The following DNAJB2 variants were observed in gnomAD, a reference collection of about 807,000 sequenced individuals.
DNAJB2 encodes dnaJ homolog subfamily B member 2.
In DNAJB2, 19 loss-of-function variants were observed where a neutral mutation model predicts 33.3. The observed-to-expected ratio is 0.57, with a 90% confidence interval of 0.40 to 0.84. The LOEUF (loss-of-function observed/expected upper bound fraction) is 0.84. DNAJB2 is among the 40% of genes least tolerant of loss of function. The pLI, the probability that DNAJB2 is intolerant of heterozygous loss-of-function variation, is 0.00. For synonymous variants in DNAJB2, 172 were observed against 164.6 expected (o/e 1.04, Z -0.34); for missense variants, 368 against 430.9 (o/e 0.85, Z 1.29).
chr2:219,286,102 T>C lies in DNAJB2; in HGVS notation c.*1115T>C. The C allele has an allele frequency of 1.7e-6, 2 of 1,191,110 alleles. No individual in the cohort carries two copies. Among genetic ancestry groups the C allele is most frequent in the Non-Finnish European group, 2.2e-6 (2 of 902,136 alleles). 73.8% of individuals were successfully genotyped at this position (1,191,110 alleles called of 1,614,324 possible). A position where few individuals can be genotyped will look rare whatever the true frequency, so the allele number is the denominator to read the frequency against. On this transcript the variant is annotated 3_prime_UTR_variant, in exon 9 of 9. Coordinates refer to ENST00000336576, the MANE Select transcript of DNAJB2 (RefSeq NM_006736.6). Reference sequence around the variant, plus strand: ...ATTTCTCCCCCTCACCCATGCTGAGTGTAGAGCCGGGGCCTGGGTGGCGGG... The same window carrying C: ...ATTTCTCCCCCTCACCCATGCTGAGCGTAGAGCCGGGGCCTGGGTGGCGGG...
chr2:219,286,282 G>A lies in DNAJB2; in HGVS notation c.*1295G>A. 2.3e-6 allele frequency: 1 copy of A among 441,414 alleles called. No individual in the cohort carries two copies. The highest frequency in any genetic ancestry group is 3.4e-5 in the Admixed American group (1 of 29,306). 27.3% of individuals were successfully genotyped at this position (441,414 alleles called of 1,614,324 possible). A position where few individuals can be genotyped will look rare whatever the true frequency, so the allele number is the denominator to read the frequency against. On this transcript the variant is annotated 3_prime_UTR_variant, in exon 9 of 9. Coordinates refer to ENST00000336576, the MANE Select transcript of DNAJB2 (RefSeq NM_006736.6). ...TTGGGGGAGGTGGTGTATGGTTACG[G>A]AGCTGTGCATCTTGGGACATGTAGT...
chr2:219,285,452 T>C lies in DNAJB2; in HGVS notation c.*465T>C. 1.0e-6 allele frequency: 1 copy of C among 1,004,726 alleles called. No homozygotes were observed. The highest frequency in any genetic ancestry group is 1.2e-6 in the Non-Finnish European group (1 of 842,570). 62.2% of individuals were successfully genotyped at this position (1,004,726 alleles called of 1,614,324 possible). A position where few individuals can be genotyped will look rare whatever the true frequency, so the allele number is the denominator to read the frequency against. ...TGGACCAGCTGCAGACCCCCAACCC[T>C]GGTTTCTGTGCCATGTTGCGCTCTG... On this transcript the variant is annotated 3_prime_UTR_variant, in exon 9 of 9. Transcript: ENST00000336576.
Position 219,284,779 on chromosome 2 carries a change from A to C in DNAJB2, c.767A>C (p.Gln256Pro), listed in dbSNP as rs776440656. 6.2e-7 allele frequency: 1 copy of C among 1,613,262 alleles called. No homozygotes were observed. Residue 256 changes from glutamine to proline, a missense_variant, in exon 9 of 9, where the codon CAG (glutamine) becomes CCG (proline). Transcript: ENST00000336576. Reference protein sequence around the residue: ...DSDLSEDEDLQLAMAYSLSEM... With the variant: ...DSDLSEDEDLPLAMAYSLSEM... Reference sequence around the variant, plus strand: ...GACCTCTCTGAGGATGAGGACCTGCAGCTGGCCATGGCCTACAGCCTGTCA... The same window carrying C: ...GACCTCTCTGAGGATGAGGACCTGCCGCTGGCCATGGCCTACAGCCTGTCA...
At chr2:219,283,004 G>A in intron 6 of DNAJB2, 75 bp downstream of exon 6, 1 of 1,567,926 alleles carries the variant, frequency 6.4e-7, no homozygotes. Context: ...GCTTTTCCAA[G>A]CCTGTCTCCT....
chr2:219,280,890 G>T, intron 3 of DNAJB2: 1 of 575,636 alleles, frequency 1.7e-6, no homozygotes, highest in Non-Finnish European at 3.1e-6. Flanking sequence ...GACCTGAAAG[G>T]GGAAGGAAGC....
rs886064882 is a variant in DNAJB2 at position 219,285,142 on chromosome 2, G to A, written c.*155G>A. ...TCCCAGGCCCCCCACACCCCAGTGT[G>A]GACTTGGGATTTGCTGTGCTCAGCC... On this transcript the variant is annotated 3_prime_UTR_variant, in exon 9 of 9. Coordinates refer to ENST00000336576, the MANE Select transcript of DNAJB2 (RefSeq NM_006736.6). 1.5e-6 allele frequency: 2 copies of A among 1,364,268 alleles called. No homozygotes were observed. Among genetic ancestry groups the A allele is most frequent in the East Asian group, 2.6e-5 (1 of 38,364 alleles). 84.5% of individuals were successfully genotyped at this position (1,364,268 alleles called of 1,614,324 possible). A position where few individuals can be genotyped will look rare whatever the true frequency, so the allele number is the denominator to read the frequency against.
In DNAJB2 at chr2:219,285,217, G is replaced by A; in HGVS notation, c.*230G>A. On this transcript the variant is annotated 3_prime_UTR_variant, in exon 9 of 9. Coordinates refer to ENST00000336576, the MANE Select transcript of DNAJB2 (RefSeq NM_006736.6). ...GCCCAGGGTGGGGGGTGTCAGGGCA[G>A]TGGAGGGGCCCGAGGAGCCAGGTTG... The A allele has an allele frequency of 3.2e-6, 4 of 1,239,340 alleles. No individual in the cohort carries two copies. Among genetic ancestry groups the A allele is most frequent in the Non-Finnish European group, 4.0e-6 (4 of 990,640 alleles). 76.8% of individuals were successfully genotyped at this position (1,239,340 alleles called of 1,614,324 possible). A position where few individuals can be genotyped will look rare whatever the true frequency, so the allele number is the denominator to read the frequency against.
In DNAJB2 at chr2:219,285,229, G is replaced by A. The variant is rs1435355228; in HGVS notation, c.*242G>A. 1.6e-5 allele frequency: 19 copies of A among 1,219,972 alleles called. 1 individual carries two copies. The South Asian group carries it at 1.9e-4, about 12-fold the overall frequency. 75.6% of individuals were successfully genotyped at this position (1,219,972 alleles called of 1,614,324 possible). ...GGGTGTCAGGGCAGTGGAGGGGCCC[G>A]AGGAGCCAGGTTGCATTTATTGGAT... On this transcript the variant is annotated 3_prime_UTR_variant, in exon 9 of 9. Transcript: ENST00000336576.
rs907070649 is a variant in DNAJB2, at chr2:219,286,209, C to T, written c.*1222C>T. The T allele has an allele frequency of 8.5e-6, 5 of 588,856 alleles. No homozygotes were observed. Among genetic ancestry groups the T allele is most frequent in the South Asian group, 2.7e-5 (1 of 37,524 alleles). 36.5% of individuals were successfully genotyped at this position (588,856 alleles called of 1,614,324 possible). On this transcript the variant is annotated 3_prime_UTR_variant, in exon 9 of 9. Coordinates refer to ENST00000336576, the MANE Select transcript of DNAJB2 (RefSeq NM_006736.6). ...GTTTGGTGCTGGCTCCTGGGGACTA[C>T]AAATCCCAGAGTGCGGTGTGCCCGG...
In DNAJB2 at chr2:219,281,965, G is replaced by A; in HGVS notation, c.256G>A (p.Gly86Ser). Reference sequence around the variant, plus strand: ...AACTGGCCCATCTCGGGCAGAAGCTGGCAGTGGTGGGCCTGGCTTCACCTT... The same window carrying A: ...AACTGGCCCATCTCGGGCAGAAGCTAGCAGTGGTGGGCCTGGCTTCACCTT... ...TGTGPSRAEA[G>S]SGGPGFTFTF... is the part of the protein sequence containing the mutation. Residue 86 changes from glycine to serine, a missense_variant, in exon 5 of 9, where the codon GGC (glycine) becomes AGC (serine). Coordinates refer to ENST00000336576, the MANE Select transcript of DNAJB2 (RefSeq NM_006736.6). 1 of 1,614,220 alleles carries A rather than the reference G, an allele frequency of 6.2e-7. No individual in the cohort carries two copies. The highest frequency in any genetic ancestry group is 8.5e-7 in the Non-Finnish European group (1 of 1,180,040).
chr2:219,283,335 T>G, intron 7 of DNAJB2, 84 bp from the exon 8 acceptor site: 1 of 1,606,376 alleles, frequency 6.2e-7, no homozygotes, highest in South Asian at 1.1e-5. Context: ...CAGTCTGCGC[T>G]CTCTACTGCG....
intron 8 of DNAJB2, 133 bp downstream of exon 8, chr2:219,283,622 G>C: frequency 1.2e-6 from 1 of 866,010 alleles, no homozygotes; most frequent in Non-Finnish European, 1.8e-6. Context: ...AGACTGGTAG[G>C]ATCAGAGATG....
chr2:219,285,861 T>C lies in DNAJB2; in HGVS notation c.*874T>C, dbSNP rs1574902975. The C allele has an allele frequency of 6.7e-7, 1 of 1,498,934 alleles. No individual in the cohort carries two copies. Among genetic ancestry groups the C allele is most frequent in the Non-Finnish European group, 8.9e-7 (1 of 1,123,724 alleles). 92.9% of individuals were successfully genotyped at this position (1,498,934 alleles called of 1,614,324 possible). On this transcript the variant is annotated 3_prime_UTR_variant, in exon 9 of 9. Coordinates refer to ENST00000336576, the MANE Select transcript of DNAJB2 (RefSeq NM_006736.6). ...AGGAGGGGACTGCACCCATACTGCT[T>C]CCCTACCACAAATCAGGGCTCAGGG...
Position 219,282,827 on chromosome 2 carries a change from C to T in DNAJB2, c.353-10C>T, listed in dbSNP as rs765215092. 6.4e-7 allele frequency: 1 copy of T among 1,566,036 alleles called. No homozygotes were observed. Among genetic ancestry groups the T allele is most frequent in the Non-Finnish European group, 8.6e-7 (1 of 1,161,736 alleles). On this transcript the variant is annotated splice_polypyrimidine_tract_variant and intron_variant, in intron 5 of 8. Transcript: ENST00000336576. ...TACCAGATGACTGCTAATCTGTTTA[C>T]TTGTTGCAGATGACCTGGGCCCCTT...
chr2:219,280,632 G>C lies in DNAJB2; in HGVS notation c.120G>C (p.Glu40Asp). The C allele has an allele frequency of 6.2e-7, 1 of 1,614,152 alleles. No homozygotes were observed. Among genetic ancestry groups the C allele is most frequent in the Non-Finnish European group, 8.5e-7 (1 of 1,180,012 alleles). Residue 40 changes from glutamate to aspartate, a missense_variant, in exon 3 of 9, where the codon GAG (glutamate) becomes GAC (aspartate). By Grantham distance (45) the Glu-to-Asp change is conservative (BLOSUM62 2). Coordinates refer to ENST00000336576, the MANE Select transcript of DNAJB2 (RefSeq NM_006736.6). ...WHPDKNPDNKEFAEKKFKEVA... is the reference protein window; with the variant it reads ...WHPDKNPDNKDFAEKKFKEVA... Reference sequence around the variant, plus strand: ...CAGACAAAAACCCAGATAATAAAGAGTTTGCTGAGAAGAAATTTAAGGAGG... The same window carrying C: ...CAGACAAAAACCCAGATAATAAAGACTTTGCTGAGAAGAAATTTAAGGAGG...
rs1233939998 is a variant in DNAJB2 at position 219,282,008 on chromosome 2, A to G, written c.299A>G (p.Glu100Gly). ...TTCACCTTCACCTTCCGCAGCCCCG[A>G]GGAGGTCTTCCGGGAATTCTTTGGG... ...PGFTFTFRSP[E>G]EVFREFFGSG... The change falls in exon 5 of 9, where the codon GAG becomes GGG. Residue 100 changes from glutamate to glycine, a missense_variant. By Grantham distance (98) the Glu-to-Gly change is moderately conservative (BLOSUM62 -2). Transcript: ENST00000336576. 6.2e-7 allele frequency: 1 copy of G among 1,614,134 alleles called. No homozygotes were observed. The highest frequency in any genetic ancestry group is 1.7e-5 in the Admixed American group (1 of 60,022).
In DNAJB2 at chr2:219,283,254, G is replaced by C. The variant is rs946747306; in HGVS notation, c.548+19G>C. ...CACGCAGGTGAGAGCTCCTTCTGGG[G>C]CCATAGAGGGGTGAGAGGTCTGCTG... On this transcript the variant is annotated intron_variant, in intron 7 of 8. Coordinates refer to ENST00000336576, the MANE Select transcript of DNAJB2 (RefSeq NM_006736.6). 9 of 1,613,890 alleles carry C rather than the reference G, an allele frequency of 5.6e-6. No individual in the cohort carries two copies. The African/African-American group carries it at 1.1e-4, about 19-fold the overall frequency.
chr2:219,284,940 C>G lies in DNAJB2; in HGVS notation c.928C>G (p.Arg310Gly). The change falls in exon 9 of 9, where the codon CGC (arginine) becomes GGC (glycine). Residue 310 changes from arginine to glycine, a missense_variant. Physicochemically the swap from Arg to Gly is moderately radical, Grantham distance 125. Coordinates refer to ENST00000336576, the MANE Select transcript of DNAJB2 (RefSeq NM_006736.6). ...GGGTGCGAGGGGTGAAGCAACCAAACGCAGTCCATCCCCAGAGGAGAAGGC... is the reference window on the plus strand; with the variant it reads ...GGGTGCGAGGGGTGAAGCAACCAAAGGCAGTCCATCCCCAGAGGAGAAGGC... ...QEGARGEATK[R>G]SPSPEEKASR... 6.4e-7 allele frequency: 1 copy of G among 1,561,448 alleles called. No individual in the cohort carries two copies. The highest frequency in any genetic ancestry group is 8.7e-7 in the Non-Finnish European group (1 of 1,149,342).
rs111901020 is a variant in DNAJB2, at chr2:219,285,024, T to G, written c.*37T>G. On this transcript the variant is annotated 3_prime_UTR_variant, in exon 9 of 9. Coordinates refer to ENST00000336576, the MANE Select transcript of DNAJB2 (RefSeq NM_006736.6). The stretch of plus-strand genomic sequence containing the variant: ...AACCTGATCTGATCCAGATCTTGAC[T>G]GGGGGGTCTGACTCACTGTGGGAAG... 20 of 1,449,020 alleles carry G rather than the reference T, an allele frequency of 1.4e-5. No homozygotes were observed. The highest frequency in any genetic ancestry group is 1.7e-5 in the Non-Finnish European group (19 of 1,095,008). 89.8% of individuals were successfully genotyped at this position (1,449,020 alleles called of 1,614,324 possible). A position where few individuals can be genotyped will look rare whatever the true frequency, so the allele number is the denominator to read the frequency against.
Sources: gnomAD v4.1 joint callset for allele counts on GRCh38, gnomAD v4.1.1 for gene constraint, MANE v1.5 for transcripts, NCBI Gene and HGNC (gene_info 2026-07-23, HGNC 2026-07-21) for gene names.